Variants in CKAP5 observed in about 807,000 individuals in gnomAD.
The protein encoded by CKAP5 is cytoskeleton associated protein 5.
Under a neutral mutation model 232.8 loss-of-function variants are expected in CKAP5, and 27 were observed. That is an observed-to-expected ratio of 0.12 (90% CI 0.09 to 0.16). The LOEUF (loss-of-function observed/expected upper bound fraction) is 0.16. Ranked by LOEUF, CKAP5 falls within the 10% of genes least tolerant of loss-of-function variation. The pLI, the probability that CKAP5 is intolerant of heterozygous loss-of-function variation, is 1.00. For synonymous variants in CKAP5, 785 were observed against 841.1 expected, an observed-to-expected ratio of 0.93 and a Z score of 1.16; for missense variants, 1,838 against 2,424.7, an observed-to-expected ratio of 0.76 and a Z score of 5.08.
At position 46,801,320 on chromosome 11, in the gene CKAP5, A is replaced by AACAAAATAGTC; in HGVS notation, c.979-17_979-16insGACTATTTTGT. On this transcript the variant is annotated splice_polypyrimidine_tract_variant and intron_variant, in intron 8 of 43. Transcript: ENST00000529230. Reference sequence around the variant, plus strand: ...TTCCAACAACCTACAAAGGGGGGTAAAAAGGAAAACAAAATAGTCACAGCC... The same window carrying AACAAAATAGTC: ...TTCCAACAACCTACAAAGGGGGGTAAACAAAATAGTCAAAGGAAAACAAAATAGTCACAGCC... 1 of 1,586,834 alleles carries AACAAAATAGTC rather than the reference A, an allele frequency of 6.3e-7. No individual in the cohort carries two copies. The highest frequency in any genetic ancestry group is 8.7e-7 in the Non-Finnish European group (1 of 1,155,500).
rs771369682 is a variant in CKAP5, at chr11:46,753,542, G to C, written c.4870-45C>G. 1.0e-5 allele frequency: 14 copies of C among 1,382,312 alleles called. No individual in the cohort carries two copies. The South Asian group carries it at 1.8e-4, about 18-fold the overall frequency. The allele number at this position is 1,382,312 out of a possible 1,614,324, so 85.6% of individuals were successfully genotyped here. ...TCAGGGAGGTGTAAAACTCAATATA[G>C]AGAGTAAAGAAATGTGGGTGGCATA... On this transcript the variant is annotated intron_variant, in intron 36 of 43. Coordinates refer to ENST00000529230, the MANE Select transcript of CKAP5 (RefSeq NM_001008938.4).
Position 46,838,445 on chromosome 11 carries a change from T to A in CKAP5, c.-38+7775A>T, listed in dbSNP as rs189032751. ...TGAGGCCAGGAGTTCAAGACCAGCT[T>A]AGGCAACATACTGAGACTGTGTCTC... On this transcript the variant is annotated intron_variant, in intron 1 of 43. Coordinates refer to ENST00000529230, the MANE Select transcript of CKAP5 (RefSeq NM_001008938.4). 2.8e-3 allele frequency among the ~76,000 whole-genome samples: 419 copies of A among 151,634 alleles called. 2 individuals carry two copies. The highest frequency in any genetic ancestry group is 9.6e-3 in the African/African-American group (397 of 41,326).
At position 46,763,505 on chromosome 11, in the gene CKAP5, G is replaced by A. The variant is rs759987065; in HGVS notation, c.3663C>T (p.Asn1221=). The change falls in exon 29 of 44, where the codon AAC becomes AAT. Residue 1221 remains asparagine, a synonymous_variant. Coordinates refer to ENST00000529230, the MANE Select transcript of CKAP5 (RefSeq NM_001008938.4). ...CATCAACCATAACAGCAAGGGCTTT[G>A]TTATGATGCTGAAAGTCTGAGTGAA... ...EMFHSDFQHH[N]KALAVMVDHL... is the part of the protein sequence containing the mutation. The A allele has an allele frequency of 3.7e-6, 6 of 1,601,378 alleles. No homozygotes were observed. Among genetic ancestry groups the A allele is most frequent in the Admixed American group, 1.8e-5 (1 of 55,648 alleles).
intron 13 of CKAP5, among the ~76,000 whole-genome samples, chr11:46,793,759 C>T (rs1938797968): frequency 6.6e-6 from 1 of 152,060 alleles, no homozygotes; most frequent in African/African-American, 2.4e-5. Context: ...CCCATCTCTA[C>T]TAAAAATAGA....
chr11:46,801,174 T>C, intron 9 of CKAP5, 26 bp downstream of exon 9: 2 of 1,526,612 alleles, frequency 1.3e-6, no homozygotes, highest in Non-Finnish European at 1.8e-6. Flanking sequence ...TTTGTTGATC[T>C]GTATCTAAAA....
chr11:46,759,292 C>A lies in CKAP5; in HGVS notation c.4545G>T (p.Glu1515Asp). 6.2e-7 allele frequency: 1 copy of A among 1,613,648 alleles called. No individual in the cohort carries two copies. Among genetic ancestry groups the A allele is most frequent in the Non-Finnish European group, 8.5e-7 (1 of 1,179,808 alleles). ...ACTTGGGTTCAGGAATAAGGACTGG[C>A]TCAAAAATGTCATCCAGTTTGTGCT... The part of the protein sequence containing the change: ...LVQHKLDDIF[E>D]PVLIPEPKIR... The change falls in exon 34 of 44, where the codon GAG becomes GAT. Residue 1515 changes from glutamate to aspartate, a missense_variant. Glu to Asp is a conservative substitution (Grantham distance 45, BLOSUM62 2). This residue lies in a region of CKAP5 where 579 missense variants were observed against 843.2 expected (regional missense o/e 0.69). Coordinates refer to ENST00000529230, the MANE Select transcript of CKAP5 (RefSeq NM_001008938.4).
intron 42 of CKAP5, among the ~76,000 whole-genome samples, chr11:46,749,583 T>C (rs1219491255): frequency 2.0e-5 from 3 of 151,152 alleles, no homozygotes; most frequent in Non-Finnish European, 4.4e-5. Context: ...GTGGTGAAAG[T>C]AGATGAACTC....
chr11:46,822,238 G>A (rs1939551016), intron 1 of CKAP5, among the ~76,000 whole-genome samples: 2 of 151,976 alleles, frequency 1.3e-5, no homozygotes, highest in East Asian at 1.9e-4. Context: ...CTGTGATCAT[G>A]CCACTACACT....
rs761933987 is a variant in CKAP5, at chr11:46,744,441, A to G, written c.5841T>C (p.Gly1947=). The G allele has an allele frequency of 6.2e-7, 1 of 1,614,088 alleles. No individual in the cohort carries two copies. Among genetic ancestry groups the G allele is most frequent in the Non-Finnish European group, 8.5e-7 (1 of 1,180,026 alleles). ...GGAGCAGTACCTTTGTGTTGTCCAG[A>G]CCACATCGCTGTCGGAGGATCTTTA... ...ERLKILRQRC[G]LDNTKQDDRP... Residue 1947 remains glycine (G), a synonymous_variant, in exon 43 of 44, where the codon GGT becomes GGC. Transcript: ENST00000529230.
rs761815969 is a variant in CKAP5 at position 46,797,860 on chromosome 11, G to A, written c.1283C>T (p.Thr428Ile). Reference sequence around the variant, plus strand: ...CAAGCTCTTTGGCAGGGTAGAAGCAGTGCAGTGGCGGAAACTTCTTGCAAT... The same window carrying A: ...CAAGCTCTTTGGCAGGGTAGAAGCAATGCAGTGGCGGAAACTTCTTGCAAT... ...LFIARSFRHC[T>I]ASTLPKSLLK... Residue 428 changes from threonine to isoleucine, a missense_variant, in exon 11 of 44, where the codon ACT (threonine) becomes ATT (isoleucine). By Grantham distance (89) the Thr-to-Ile change is moderately conservative. This residue lies in a region of CKAP5 where 767 missense variants were observed against 954.6 expected (regional missense o/e 0.80). Transcript: ENST00000529230. 6.2e-7 allele frequency: 1 copy of A among 1,614,112 alleles called. No homozygotes were observed. Among genetic ancestry groups the A allele is most frequent in the Admixed American group, 1.7e-5 (1 of 60,010 alleles).
chr11:46,751,144 C>T lies in CKAP5; in HGVS notation c.5434G>A (p.Glu1812Lys). ...MDQTGSKSDK[E>K]TEKGASRIDE... ...ATTCGAGATGCTCCCTTTTCTGTTT[C>T]CTTATCAGACTTGCTCCCAGTCTGG... The change falls in exon 40 of 44, where the codon GAA becomes AAA. Residue 1812 changes from glutamate to lysine, a missense_variant. By Grantham distance (56) the Glu-to-Lys change is moderately conservative. Transcript: ENST00000529230. 1 of 1,614,162 alleles carries T rather than the reference C, an allele frequency of 6.2e-7. No individual in the cohort carries two copies. Among genetic ancestry groups the T allele is most frequent in the South Asian group, 1.1e-5 (1 of 91,078 alleles).
intron 1 of CKAP5, among the ~76,000 whole-genome samples, chr11:46,838,008 AC>A (rs1592493227): frequency 6.6e-6 from 1 of 151,810 alleles, no homozygotes; most frequent in East Asian, 1.9e-4. Flanking sequence ...AACCTCACAA[AC>A]ACTATTTCAG....
rs776615996 is a variant in CKAP5, at chr11:46,769,987, G to C, written c.3298C>G (p.Pro1100Ala). 4 of 1,614,128 alleles carry C rather than the reference G, an allele frequency of 2.5e-6. No homozygotes were observed. The highest frequency in any genetic ancestry group is 3.4e-6 in the Non-Finnish European group (4 of 1,180,012). The change falls in exon 26 of 44, where the codon CCA becomes GCA. Residue 1100 changes from proline to alanine, a missense_variant. This residue lies in a region of CKAP5 where 767 missense variants were observed against 954.6 expected (regional missense o/e 0.80). Transcript: ENST00000529230. The part of the protein sequence containing the change: ...ATSKPMGGSA[P>A]AKFQPASAPA... Reference sequence around the variant, plus strand: ...CCTGATGCAGGCTGGAATTTGGCTGGAGCGGACCCTCCCATTGGTTTAGAA... The same window carrying C: ...CCTGATGCAGGCTGGAATTTGGCTGCAGCGGACCCTCCCATTGGTTTAGAA...
chr11:46,814,734 A>G (rs1183888226), intron 4 of CKAP5, among the ~76,000 whole-genome samples: 1 of 152,242 alleles, frequency 6.6e-6, no homozygotes, highest in African/African-American at 2.4e-5. Flanking sequence ...TTTCATGGCC[A>G]AACAAGAAAG....
rs1421918802 is a variant in CKAP5 at position 46,750,736 on chromosome 11, A to G, written c.5461-125T>C. On this transcript the variant is annotated intron_variant, in intron 40 of 43. Coordinates refer to ENST00000529230, the MANE Select transcript of CKAP5 (RefSeq NM_001008938.4). ...TTATTGGTATGTTCCTACAGATAAC[A>G]GATGCACCGATGATGCAGGTCTTGC... The G allele has an allele frequency of 7.1e-6, 5 of 705,052 alleles. No individual in the cohort carries two copies. The Admixed American group carries it at 1.0e-4, about 15-fold the overall frequency. 43.7% of individuals were successfully genotyped at this position (705,052 alleles called of 1,614,324 possible).
chr11:46,787,321 G>A (rs1592457531), intron 16 of CKAP5, among the ~76,000 whole-genome samples: 1 of 152,156 alleles, frequency 6.6e-6, no homozygotes, highest in South Asian at 2.1e-4. Context: ...AACAAGAGGT[G>A]GCAGCAGAAG....
intron 23 of CKAP5, 51 bp from the exon 24 acceptor site, chr11:46,776,434 TA>T: frequency 1.3e-6 from 2 of 1,508,846 alleles, no homozygotes; most frequent in South Asian, 2.6e-5. Flanking sequence ...AGTTTGGAGG[TA>T]GGGGGTGATC....
Position 46,758,904 on chromosome 11 carries a change from A to G in CKAP5, c.4689+19T>C, listed in dbSNP as rs2065132865. The G allele has an allele frequency of 6.2e-7, 1 of 1,612,992 alleles. No homozygotes were observed. The highest frequency in any genetic ancestry group is 1.1e-5 in the South Asian group (1 of 90,968). On this transcript the variant is annotated intron_variant, in intron 35 of 43. Coordinates refer to ENST00000529230, the MANE Select transcript of CKAP5 (RefSeq NM_001008938.4). ...TATGTCCACCAATGGAATCCCTGTC[A>G]CGGGAGCACACCCATTACCTGTGTC...
chr11:46,804,734 AATT>A (rs1270571583), intron 8 of CKAP5, among the ~76,000 whole-genome samples: 2 of 152,118 alleles, frequency 1.3e-5, no homozygotes, highest in African/African-American at 4.8e-5. Flanking sequence ...AACAAGCAAT[AATT>A]AAGGGGGGAA....
Sources: allele counts gnomAD v4.1 joint callset (sites outside exome capture counted in the v4.1 genomes callset), GRCh38; gene constraint gnomAD v4.1.1; regional missense constraint gnomAD v4.1.1; transcripts MANE v1.5; gene names NCBI Gene and HGNC (gene_info 2026-07-23, HGNC 2026-07-21).